CLEC4A: variants seen among roughly 807,000 people sequenced by gnomAD.
The protein encoded by CLEC4A is C-type lectin domain family 4 member A.
CLEC4A carries 27 observed loss-of-function variants against 32.7 expected under a neutral mutation model. The observed-to-expected ratio is 0.83, with a 90% CI of 0.61 to 1.14. The LOEUF is 1.14. CLEC4A is among the 50% of genes most tolerant of loss of function. The probability of loss-of-function intolerance (pLI) is 0.00; values close to 1 mark genes in which losing one functional copy is unlikely to be tolerated. For missense variants in CLEC4A, 253 were observed against 274.6 expected, an observed-to-expected ratio of 0.92 and a Z score of 0.55; for synonymous variants, 89 against 93.7, an observed-to-expected ratio of 0.95 and a Z score of 0.29.
the CLEC4A span, among the ~76,000 whole-genome samples, chr12:8,109,071 T>G: frequency 6.6e-6 from 1 of 152,108 alleles, no homozygotes; most frequent in Non-Finnish European, 1.5e-5. Flanking sequence ...GGGGAAGCAT[T>G]TGTTTTTTAT....
At position 8,138,577 on chromosome 12, in the gene CLEC4A, T is replaced by A. The variant is rs755764041; in HGVS notation, c.*290T>A. 1.1e-4 allele frequency: 23 copies of A among 214,506 alleles called. No individual in the cohort carries two copies. Among genetic ancestry groups the A allele is most frequent in the African/African-American group, 5.3e-4 (23 of 43,142 alleles). The allele number at this position is 214,506 out of a possible 1,614,324, so 13.3% of individuals were successfully genotyped here. ...TTTTATCTGGTTGCTAAAGAATTAT[T>A]TACCAATAAAATTATATGATGTGGT... On this transcript the variant is annotated 3_prime_UTR_variant, in exon 6 of 6. Coordinates refer to ENST00000229332, the MANE Select transcript of CLEC4A (RefSeq NM_016184.4).
intron 1 of CLEC4A, among the ~76,000 whole-genome samples, chr12:8,124,746 T>G (rs1341576538): frequency 6.6e-6 from 1 of 152,190 alleles, no homozygotes; most frequent in Non-Finnish European, 1.5e-5. Context: ...CTTAAAAACT[T>G]TATATAATTT....
chr12:8,117,728 C>G, the CLEC4A span, among the ~76,000 whole-genome samples: 1 of 152,190 alleles, frequency 6.6e-6, no homozygotes, highest in Non-Finnish European at 1.5e-5. Context: ...TATTTCACTT[C>G]TATAGCTTTC....
the CLEC4A span, among the ~76,000 whole-genome samples, chr12:8,118,600 C>T: frequency 6.6e-6 from 1 of 152,106 alleles, no homozygotes; most frequent in Non-Finnish European, 1.5e-5. Context: ...GGTGAGGTGC[C>T]ACACACTTTT....
the CLEC4A span, among the ~76,000 whole-genome samples, chr12:8,103,014 A>G: frequency 2.0e-5 from 3 of 151,886 alleles, no homozygotes; most frequent in Non-Finnish European, 4.4e-5. Flanking sequence ...TTTGTTTGGG[A>G]AAAAAAATGT....
chr12:8,105,616 C>T, the CLEC4A span, among the ~76,000 whole-genome samples: 3 of 152,112 alleles, frequency 2.0e-5, no homozygotes, highest in Non-Finnish European at 4.4e-5. Flanking sequence ...TCCCAAAGTA[C>T]TGGGATTACA....
chr12:8,134,488 C>T (rs768050863), intron 3 of CLEC4A: 50 of 1,613,790 alleles, frequency 3.1e-5, no homozygotes, highest in Non-Finnish European at 4.2e-5. Context: ...TCCAGCTTCA[C>T]GGCACCAGAG....
intron 2 of CLEC4A, among the ~76,000 whole-genome samples, chr12:8,128,639 G>C (rs928103045): frequency 4.6e-5 from 7 of 152,066 alleles, no homozygotes; most frequent in African/African-American, 1.7e-4. Flanking sequence ...TCGAACTCCT[G>C]ACCTGCCTCG....
intron 3 of CLEC4A, chr12:8,134,365 T>C (rs749455653): frequency 5.6e-6 from 9 of 1,612,926 alleles, no homozygotes; most frequent in Non-Finnish European, 7.6e-6. Flanking sequence ...TCGGCCTGTG[T>C]ATATCCCAGG....
chr12:8,125,735 C>G (rs1468227422), intron 2 of CLEC4A, 58 bp downstream of exon 2: 1 of 987,434 alleles, frequency 1.0e-6, no homozygotes, highest in Non-Finnish European at 1.6e-6. Context: ...AGAGGGTATC[C>G]TTTAAAAACT....
chr12:8,111,870 T>C, the CLEC4A span, among the ~76,000 whole-genome samples: 3 of 149,808 alleles, frequency 2.0e-5, no homozygotes, highest in Admixed American at 6.6e-5. Flanking sequence ...AACTTCAACT[T>C]TTTTTTTTAG....
the CLEC4A span, among the ~76,000 whole-genome samples, chr12:8,113,221 G>A: frequency 6.7e-6 from 1 of 149,798 alleles, no homozygotes; most frequent in African/African-American, 2.5e-5. Flanking sequence ...GCGGTGTTTG[G>A]TTTTTTGTCC....
At chr12:8,103,111 T>G in the CLEC4A span, among the ~76,000 whole-genome samples, 1 of 152,298 alleles carries the variant, frequency 6.6e-6, no homozygotes. Flanking sequence ...TACTCCTCAC[T>G]TCCTCCATTC....
At chr12:8,126,512 G>A (rs770248449) in intron 2 of CLEC4A, among the ~76,000 whole-genome samples, 31 of 151,582 alleles carry the variant, frequency 2.0e-4, no homozygotes, top group South Asian at 4.2e-4. Flanking sequence ...GAGTCACTAC[G>A]CCTGGCTCAA....
chr12:8,103,639 C>T, the CLEC4A span, among the ~76,000 whole-genome samples: 29 of 152,194 alleles, frequency 1.9e-4, no homozygotes, highest in South Asian at 1.5e-3. Context: ...TCTGCCTTGG[C>T]GTCCCCAGTA....
chr12:8,129,768 G>A (rs985813724), intron 3 of CLEC4A, among the ~76,000 whole-genome samples: 1 of 152,186 alleles, frequency 6.6e-6, no homozygotes, highest in African/African-American at 2.4e-5. Flanking sequence ...TCCACCTGGC[G>A]ACGGAGCAAG....
At chr12:8,109,860 CAGG>C in the CLEC4A span, among the ~76,000 whole-genome samples, 1 of 152,082 alleles carries the variant, frequency 6.6e-6, no homozygotes, top group Admixed American at 6.6e-5. Flanking sequence ...GGCGAAATGA[CAGG>C]AGTTCTTTTT....
chr12:8,123,894 A>T lies in CLEC4A; in HGVS notation c.16A>T (p.Thr6Ser), dbSNP rs756596934. The T allele has an allele frequency of 5.0e-6, 8 of 1,611,876 alleles. No individual in the cohort carries two copies. Among genetic ancestry groups the T allele is most frequent in the Non-Finnish European group, 6.8e-6 (8 of 1,177,926 alleles). ...TCTTCCCATTATGACTTCGGAAATC[A>T]CTTATGCTGAAGTGAGGTTCAAAAA... MTSEITYAEVRFKNEF... is the reference protein window; with the variant it reads MTSEISYAEVRFKNEF... Residue 6 changes from threonine to serine, a missense_variant, in exon 1 of 6, where the codon ACT becomes TCT. By Grantham distance (58) the Thr-to-Ser change is moderately conservative. Transcript: ENST00000229332.
chr12:8,109,190 A>G, the CLEC4A span, among the ~76,000 whole-genome samples: 1 of 152,250 alleles, frequency 6.6e-6, no homozygotes, highest in African/African-American at 2.4e-5. Flanking sequence ...TAAGCCTGTA[A>G]CTGATCCAAA....
Sources: gnomAD v4.1 joint callset for allele counts (sites outside exome capture counted in the v4.1 genomes callset) on GRCh38, gnomAD v4.1.1 for gene constraint, MANE v1.5 for transcripts, NCBI Gene and HGNC (gene_info 2026-07-23, HGNC 2026-07-21) for gene names.